The following SLC24A3 variants were observed in gnomAD, a reference collection of about 807,000 sequenced individuals.
SLC24A3 encodes the protein solute carrier family 24 member 3.
SLC24A3 carries 28 observed loss-of-function variants against 75.8 expected under a neutral mutation model. That is an observed-to-expected ratio of 0.37 (90% CI 0.27 to 0.51). The LOEUF (loss-of-function observed/expected upper bound fraction) is 0.51, where lower values mean the gene tolerates loss of function less well. SLC24A3 is among the 20% of genes least tolerant of loss of function. SLC24A3 has a pLI of 0.94. For missense variants in SLC24A3, 663 were observed against 847.8 expected (o/e 0.78, Z 2.71); for synonymous variants, 372 against 334.1 (o/e 1.11, Z -1.24).
At chr20:19,262,422 A>G (rs934733978) in intron 1 of SLC24A3, among the ~76,000 whole-genome samples, 23 of 150,980 alleles carry the variant, frequency 1.5e-4, no homozygotes, top group South Asian at 8.3e-4. Context: ...AAAAAAAAAA[A>G]AAAAGAAAGA....
At chr20:19,412,093 T>A (rs1258864678) in intron 2 of SLC24A3, among the ~76,000 whole-genome samples, 1 of 152,218 alleles carries the variant, frequency 6.6e-6, no homozygotes. Context: ...TTATTGAGTA[T>A]ACCACTAGGC....
At chr20:19,593,035 A>G (rs1453127772) in intron 6 of SLC24A3, among the ~76,000 whole-genome samples, 1 of 152,020 alleles carries the variant, frequency 6.6e-6, no homozygotes, top group African/African-American at 2.4e-5. Context: ...ACCTCAGATG[A>G]TCCGCCTGCC....
At chr20:19,362,424 C>A (rs915232996) in intron 2 of SLC24A3, among the ~76,000 whole-genome samples, 11 of 152,090 alleles carry the variant, frequency 7.2e-5, no homozygotes, top group African/African-American at 2.7e-4. Context: ...AGCGCTTTTT[C>A]GTGACAAGTG....
intron 1 of SLC24A3, among the ~76,000 whole-genome samples, chr20:19,242,882 G>T (rs192563026): frequency 6.6e-6 from 1 of 152,318 alleles, no homozygotes; most frequent in East Asian, 1.9e-4. Context: ...TTGTAAAAGA[G>T]CTCAAATGCA....
intron 2 of SLC24A3, among the ~76,000 whole-genome samples, chr20:19,405,190 C>G (rs1469677900): frequency 6.6e-6 from 1 of 152,104 alleles, no homozygotes; most frequent in Non-Finnish European, 1.5e-5. Context: ...TCCCTAGTCC[C>G]CAGGTCTCCA....
At chr20:19,600,311 C>T (rs2031512671) in intron 6 of SLC24A3, among the ~76,000 whole-genome samples, 1 of 152,160 alleles carries the variant, frequency 6.6e-6, no homozygotes, top group Non-Finnish European at 1.5e-5. Flanking sequence ...TACTAAGAGT[C>T]ATCATATTCA....
chr20:19,664,855 G>T (rs1368051935), intron 7 of SLC24A3, among the ~76,000 whole-genome samples: 2 of 152,178 alleles, frequency 1.3e-5, no homozygotes, highest in South Asian at 2.1e-4. Flanking sequence ...TTTGGTTTCG[G>T]CAACATGTCA....
At chr20:19,662,425 C>T (rs935703367) in intron 7 of SLC24A3, among the ~76,000 whole-genome samples, 2 of 152,258 alleles carry the variant, frequency 1.3e-5, no homozygotes, top group Non-Finnish European at 2.9e-5. Context: ...AAGACAGCAG[C>T]GGCTAAAGCC....
chr20:19,614,188 G>A (rs1600303587), intron 6 of SLC24A3, among the ~76,000 whole-genome samples: 1 of 152,172 alleles, frequency 6.6e-6, no homozygotes, highest in Admixed American at 6.5e-5. Context: ...TTTACCATTT[G>A]CTATCTGTAT....
At chr20:19,687,719 C>T (rs1307353260) in intron 12 of SLC24A3, among the ~76,000 whole-genome samples, 4 of 152,202 alleles carry the variant, frequency 2.6e-5, no homozygotes, top group African/African-American at 9.6e-5. Flanking sequence ...GGCCCAGTGC[C>T]TGGGCCTCGT....
chr20:19,618,101 A>G (rs1370634154), intron 6 of SLC24A3, among the ~76,000 whole-genome samples: 1 of 151,970 alleles, frequency 6.6e-6, no homozygotes, highest in African/African-American at 2.4e-5. Context: ...GTCCTAAAAC[A>G]TGTTTGGTAC....
At chr20:19,313,431 T>C (rs1241883063) in intron 2 of SLC24A3, among the ~76,000 whole-genome samples, 1 of 152,178 alleles carries the variant, frequency 6.6e-6, no homozygotes, top group Non-Finnish European at 1.5e-5. Flanking sequence ...TGGAATTAAA[T>C]CAGAGCCTTC....
intron 2 of SLC24A3, among the ~76,000 whole-genome samples, chr20:19,439,782 G>A (rs576189391): frequency 3.3e-5 from 5 of 152,282 alleles, no homozygotes; most frequent in East Asian, 3.9e-4. Flanking sequence ...GGAATGCCTC[G>A]CTGATCCGAG....
chr20:19,515,509 A>G lies in SLC24A3; in HGVS notation c.293A>G (p.Asp98Gly), dbSNP rs746798513. The change falls in exon 3 of 17, where the codon GAC becomes GGC. Residue 98 changes from aspartate to glycine, a missense_variant. Asp to Gly is a moderately conservative substitution (Grantham distance 94, BLOSUM62 -1). Transcript: ENST00000328041. Reference protein sequence around the residue: ...TEPALHEFPNDIFTNEDRRQG... With the variant: ...TEPALHEFPNGIFTNEDRRQG... ...TTAGCCCTGCATGAATTCCCCAATG[A>G]CATCTTCACAAACGAGGATAGAAGA... The G allele has an allele frequency of 6.2e-7, 1 of 1,614,048 alleles. No individual in the cohort carries two copies. Among genetic ancestry groups the G allele is most frequent in the Non-Finnish European group, 8.5e-7 (1 of 1,180,024 alleles).
At chr20:19,251,847 A>C (rs751595240) in intron 1 of SLC24A3, among the ~76,000 whole-genome samples, 1 of 152,194 alleles carries the variant, frequency 6.6e-6, no homozygotes, top group African/African-American at 2.4e-5. Flanking sequence ...GGGGTCCCCA[A>C]GGGGGCATGA....
At chr20:19,475,208 G>A (rs766254185) in intron 2 of SLC24A3, among the ~76,000 whole-genome samples, 2 of 151,974 alleles carry the variant, frequency 1.3e-5, no homozygotes, top group Admixed American at 6.6e-5. Context: ...GCGTGGTGGC[G>A]GTTGCCTGTA....
intron 2 of SLC24A3, among the ~76,000 whole-genome samples, chr20:19,286,992 G>C (rs928603643): frequency 6.6e-6 from 1 of 152,206 alleles, no homozygotes; most frequent in African/African-American, 2.4e-5. Flanking sequence ...CAGCTGTTGA[G>C]ATTCTTAAGT....
At chr20:19,378,557 G>A (rs1416347195) in intron 2 of SLC24A3, among the ~76,000 whole-genome samples, 1 of 152,082 alleles carries the variant, frequency 6.6e-6, no homozygotes, top group African/African-American at 2.4e-5. Context: ...TTTGAATTTG[G>A]GGCTAAATGA....
At chr20:19,692,126 T>C (rs1195418103) in intron 12 of SLC24A3, among the ~76,000 whole-genome samples, 1 of 152,238 alleles carries the variant, frequency 6.6e-6, no homozygotes, top group Admixed American at 6.5e-5. Context: ...AAAATACATT[T>C]TATTAAACAT....
Sources: gnomAD v4.1 joint callset for allele counts (sites outside exome capture counted in the v4.1 genomes callset) on GRCh38, gnomAD v4.1.1 for gene constraint, MANE v1.5 for transcripts, NCBI Gene and HGNC (gene_info 2026-07-23, HGNC 2026-07-21) for gene names.